Variants in AKAP9 observed in about 807,000 individuals in gnomAD.
The protein encoded by AKAP9 is A-kinase anchoring protein 9.
AKAP9 carries 311 observed loss-of-function variants against 488.5 expected under a neutral mutation model. That is an observed-to-expected ratio of 0.64 (90% CI 0.58 to 0.70). The LOEUF is 0.70. Ranked by LOEUF, AKAP9 falls within the 30% of genes least tolerant of loss-of-function variation. The pLI, the probability that AKAP9 is intolerant of heterozygous loss-of-function variation, is 0.00. For synonymous variants in AKAP9, 1,462 were observed against 1,483.5 expected, an observed-to-expected ratio of 0.99 and a Z score of 0.33; for missense variants, 4,215 against 4,374.5, an observed-to-expected ratio of 0.96 and a Z score of 1.03.
chr7:92,040,918 C>T lies in AKAP9; in HGVS notation c.4917+20C>T. On this transcript the variant is annotated intron_variant, in intron 18 of 49. Coordinates refer to ENST00000356239, the MANE Select transcript of AKAP9 (RefSeq NM_005751.5). ...GCCCAGGTAAGGGTCTTGTAGTCCCCTTTCTCTCCCCAGTTATTTTTTTTT... is the reference window on the plus strand; with the variant it reads ...GCCCAGGTAAGGGTCTTGTAGTCCCTTTTCTCTCCCCAGTTATTTTTTTTT... The T allele has an allele frequency of 6.3e-7, 1 of 1,576,748 alleles. No individual in the cohort carries two copies. The highest frequency in any genetic ancestry group is 8.7e-7 in the Non-Finnish European group (1 of 1,155,332).
intron 3 of AKAP9, among the ~76,000 whole-genome samples, chr7:91,982,405 A>C (rs1390600966): frequency 6.6e-6 from 1 of 151,748 alleles, no homozygotes; most frequent in Admixed American, 6.6e-5. Context: ...AGTGTTCTCA[A>C]TGTTCAATTC....
chr7:91,955,344 A>G (rs2130486605), intron 1 of AKAP9, among the ~76,000 whole-genome samples: 1 of 152,338 alleles, frequency 6.6e-6, no homozygotes, highest in Non-Finnish European at 1.5e-5. Flanking sequence ...GAACACCTCT[A>G]TACCTATCAC....
At chr7:92,044,927 G>A in intron 20 of AKAP9, 81 bp from the exon 21 acceptor site, 5 of 1,066,368 alleles carry the variant, frequency 4.7e-6, no homozygotes, top group Non-Finnish European at 7.2e-6. Flanking sequence ...ATATTTTGCA[G>A]TGTACTTTTT....
chr7:92,097,368 A>C lies in AKAP9; in HGVS notation c.10398+11A>C. The stretch of plus-strand genomic sequence containing the variant: ...CAGAACCTTAATGAGGTAAACTGAC[A>C]GTTTCTTTTTAGATATTTTTAAGGA... On this transcript the variant is annotated intron_variant, in intron 41 of 49. Coordinates refer to ENST00000356239, the MANE Select transcript of AKAP9 (RefSeq NM_005751.5). The C allele has an allele frequency of 6.2e-7, 1 of 1,611,812 alleles. No individual in the cohort carries two copies. The highest frequency in any genetic ancestry group is 1.1e-5 in the South Asian group (1 of 90,536).
chr7:92,008,197 G>A (rs112213106), intron 8 of AKAP9, among the ~76,000 whole-genome samples: 51 of 151,252 alleles, frequency 3.4e-4, no homozygotes, highest in Non-Finnish European at 2.8e-4. Flanking sequence ...GTGAAACCCC[G>A]TCTCTACCAA....
intron 1 of AKAP9, chr7:91,970,474 T>C (rs1486885433): frequency 2.2e-6 from 1 of 457,424 alleles, no homozygotes; most frequent in Non-Finnish European, 4.4e-6. Context: ...TTCTTTCAGA[T>C]TGAAGAACTC....
intron 2 of AKAP9, among the ~76,000 whole-genome samples, chr7:91,977,278 C>T (rs867688801): frequency 4.0e-5 from 6 of 151,428 alleles, no homozygotes; most frequent in African/African-American, 1.2e-4. Flanking sequence ...ACACAAGGGC[C>T]GGGCGCGGTG....
Position 92,079,206 on chromosome 7 carries a change from A to C in AKAP9, c.7073A>C (p.Lys2358Thr). ...GAGCAGCTCAATGAAGTGATTGAAAAACTTCAACAGGAATTGGCAAATATT... is the reference window on the plus strand; with the variant it reads ...GAGCAGCTCAATGAAGTGATTGAAACACTTCAACAGGAATTGGCAAATATT... Reference protein sequence around the residue: ...EIEQLNEVIEKLQQELANIGQ... With the variant: ...EIEQLNEVIETLQQELANIGQ... Residue 2358 changes from lysine to threonine, a missense_variant, in exon 31 of 50, where the codon AAA becomes ACA. Coordinates refer to ENST00000356239, the MANE Select transcript of AKAP9 (RefSeq NM_005751.5). 3 of 1,614,050 alleles carry C rather than the reference A, an allele frequency of 1.9e-6. No individual in the cohort carries two copies. The highest frequency in any genetic ancestry group is 2.5e-6 in the Non-Finnish European group (3 of 1,179,972).
chr7:92,104,324 G>A (rs1818164563), intron 46 of AKAP9, among the ~76,000 whole-genome samples: 2 of 151,466 alleles, frequency 1.3e-5, no homozygotes, highest in Non-Finnish European at 2.9e-5. Context: ...CTGAGTAGCT[G>A]GGACTACAGG....
At chr7:92,031,447 G>A (rs933475222) in intron 15 of AKAP9, 65 bp from the exon 16 acceptor site, 2 of 1,146,958 alleles carry the variant, frequency 1.7e-6, no homozygotes, top group African/African-American at 1.5e-5. Flanking sequence ...TTTTGAGGTA[G>A]AAGTTTAAAA....
intron 17 of AKAP9, 26 bp from the exon 18 acceptor site, chr7:92,040,648 T>C: frequency 1.2e-6 from 1 of 866,244 alleles, no homozygotes; most frequent in Non-Finnish European, 1.6e-6. Context: ...GTTGAATTGT[T>C]TTTTTTTTTT....
rs146234370 is a variant in AKAP9 at position 92,015,118 on chromosome 7, A to T, written c.3612+790A>T. ...AGTATAGTTTAAGCAAATCTCAAGA[A>T]ATCTGAAGAAATAGCAATAAACAAT... On this transcript the variant is annotated intron_variant, in intron 10 of 49. Coordinates refer to ENST00000356239, the MANE Select transcript of AKAP9 (RefSeq NM_005751.5). Among the ~76,000 whole-genome samples the T allele has an allele frequency of 2.0e-4, 31 of 152,314 alleles. 1 individual carries two copies. The East Asian group carries it at 4.8e-3, about 24-fold the overall frequency.
At chr7:91,973,613 T>C in intron 1 of AKAP9, 98 bp from the exon 2 acceptor site, 1 of 1,266,582 alleles carries the variant, frequency 7.9e-7, no homozygotes, top group Non-Finnish European at 1.1e-6. Context: ...TTAGTGATAG[T>C]TTGATCTTTA....
At chr7:92,031,666 GA>G (rs1204592087) in intron 16 of AKAP9, 62 bp downstream of exon 16, 1 of 1,277,564 alleles carries the variant, frequency 7.8e-7, no homozygotes, top group Non-Finnish European at 1.1e-6. Flanking sequence ...CCTTCAAAAA[GA>G]ACATAGATTT....
intron 21 of AKAP9, among the ~76,000 whole-genome samples, chr7:92,049,861 T>G (rs1807634508): frequency 6.6e-6 from 1 of 152,160 alleles, no homozygotes; most frequent in South Asian, 2.1e-4. Flanking sequence ...GCCAGAGGCC[T>G]TTTATAAGTC....
chr7:92,029,001 A>G (rs916718125), intron 14 of AKAP9, among the ~76,000 whole-genome samples: 1 of 152,182 alleles, frequency 6.6e-6, no homozygotes, highest in Non-Finnish European at 1.5e-5. Context: ...GTAGAAAAGA[A>G]TAGGAGAAAG....
At chr7:92,062,024 G>A (rs1354331731) in intron 23 of AKAP9, among the ~76,000 whole-genome samples, 1 of 152,066 alleles carries the variant, frequency 6.6e-6, no homozygotes, top group East Asian at 1.9e-4. Flanking sequence ...CTTTGGTATA[G>A]CAAAGTATTA....
In AKAP9 at chr7:92,102,170, AAAAT is replaced by A. The variant is rs1554469466; in HGVS notation, c.11098-394_11098-391del. Reference sequence around the variant, plus strand: ...GACTCCGTCTCATAAATTTAAAAAAAAAATAAATAAATAAATAAATAAATAAATA... The same window carrying A: ...GACTCCGTCTCATAAATTTAAAAAAAAAATAAATAAATAAATAAATAAATA... On this transcript the variant is annotated intron_variant, in intron 45 of 49. Coordinates refer to ENST00000356239, the MANE Select transcript of AKAP9 (RefSeq NM_005751.5). Among the ~76,000 whole-genome samples, 83 of 135,004 alleles carry A rather than the reference AAAAT, an allele frequency of 6.1e-4. 1 individual carries two copies. The highest frequency in any genetic ancestry group is 1.7e-3 in the African/African-American group (57 of 34,216). The allele number at this position is 135,004 out of a possible 152,430, so 88.6% of individuals were successfully genotyped here. A position where few individuals can be genotyped will look rare whatever the true frequency, so the allele number is the denominator to read the frequency against.
At chr7:92,097,402 C>T (rs756675424) in intron 41 of AKAP9, 45 bp downstream of exon 41, 3 of 1,596,018 alleles carry the variant, frequency 1.9e-6, no homozygotes, top group Admixed American at 3.4e-5. Context: ...GAAAGCACTG[C>T]AGCCCTTTGA....
Sources: gnomAD v4.1 joint callset for allele counts (sites outside exome capture counted in the v4.1 genomes callset) on GRCh38, gnomAD v4.1.1 for gene constraint, MANE v1.5 for transcripts, NCBI Gene and HGNC (gene_info 2026-07-23, HGNC 2026-07-21) for gene names.